The following HPSE2 variants were observed in gnomAD, a reference collection of about 807,000 sequenced individuals.
HPSE2 encodes the protein inactive heparanase-2.
Under a neutral mutation model 60.5 loss-of-function variants are expected in HPSE2, and 38 were observed. The ratio of observed to expected loss-of-function variants is 0.63; its 90% CI spans 0.48 to 0.82. HPSE2 has a LOEUF of 0.82. Ranked by LOEUF, HPSE2 falls within the 40% of genes least tolerant of loss-of-function variation. The probability of loss-of-function intolerance (pLI) is 0.00; values close to 1 mark genes in which losing one functional copy is unlikely to be tolerated. For synonymous variants in HPSE2, 295 were observed against 293.2 expected (o/e 1.01, Z -0.06); for missense variants, 713 against 740.4 (o/e 0.96, Z 0.43).
At chr10:99,033,558 A>T (rs1228997086) in intron 3 of HPSE2, among the ~76,000 whole-genome samples, 1 of 152,110 alleles carries the variant, frequency 6.6e-6, no homozygotes, top group South Asian at 2.1e-4. Context: ...TGAGGCGGGC[A>T]TATCACAAGG....
chr10:99,251,013 G>T, the HPSE2 span, among the ~76,000 whole-genome samples: 1 of 152,116 alleles, frequency 6.6e-6, no homozygotes, highest in African/African-American at 2.4e-5. Flanking sequence ...GAGCAGAATT[G>T]AGCTAAATTG....
In HPSE2 at chr10:99,144,224, T is replaced by A. The variant is rs200473954; in HGVS notation, c.610+14A>T. 4 of 1,613,098 alleles carry A rather than the reference T, an allele frequency of 2.5e-6. No individual in the cohort carries two copies. The highest frequency in any genetic ancestry group is 3.4e-6 in the Non-Finnish European group (4 of 1,179,858). On this transcript the variant is annotated intron_variant, in intron 3 of 11. Coordinates refer to ENST00000370552, the MANE Select transcript of HPSE2 (RefSeq NM_021828.5). ...TGAATGCTCTAAGATTTCAACCAAC[T>A]CCAATAGCCTTACCTGTTAATATGA...
intron 9 of HPSE2, among the ~76,000 whole-genome samples, chr10:98,547,453 C>T (rs1458672533): frequency 1.3e-5 from 2 of 150,488 alleles, no homozygotes; most frequent in African/African-American, 4.9e-5. Flanking sequence ...GGCACATATA[C>T]ACCATGGAAT....
intron 3 of HPSE2, among the ~76,000 whole-genome samples, chr10:98,951,550 C>A (rs1589418109): frequency 2.0e-5 from 3 of 152,188 alleles, no homozygotes; most frequent in East Asian, 3.9e-4. Flanking sequence ...TGCAAAAAAG[C>A]CTAGTGTAGT....
At chr10:98,533,659 T>TA (rs1470907169) in intron 9 of HPSE2, among the ~76,000 whole-genome samples, 1 of 152,294 alleles carries the variant, frequency 6.6e-6, no homozygotes, top group African/African-American at 2.4e-5. Context: ...GGAAGACTAT[T>TA]TCCTGAAACA....
chr10:98,886,296 A>T (rs903298856), intron 3 of HPSE2, among the ~76,000 whole-genome samples: 1 of 152,270 alleles, frequency 6.6e-6, no homozygotes, highest in South Asian at 2.1e-4. Context: ...TCCAAGACAC[A>T]TAAGGTAAAA....
intron 3 of HPSE2, among the ~76,000 whole-genome samples, chr10:98,805,106 A>C (rs1951011781): frequency 6.6e-6 from 1 of 152,256 alleles, no homozygotes; most frequent in African/African-American, 2.4e-5. Context: ...CATGGAGATA[A>C]GAGAGTAGAA....
At chr10:98,841,906 A>G (rs1013913295) in intron 3 of HPSE2, among the ~76,000 whole-genome samples, 10 of 151,700 alleles carry the variant, frequency 6.6e-5, no homozygotes, top group Non-Finnish European at 1.5e-5. Context: ...TCCCGGGTTC[A>G]AGCAATTCTC....
intron 2 of HPSE2, among the ~76,000 whole-genome samples, chr10:99,174,448 T>A (rs1847443912): frequency 6.6e-6 from 1 of 152,164 alleles, no homozygotes; most frequent in Non-Finnish European, 1.5e-5. Context: ...TCAACAATGA[T>A]CTTACTATGG....
chr10:99,005,331 C>T (rs1341843813), intron 3 of HPSE2, among the ~76,000 whole-genome samples: 1 of 151,984 alleles, frequency 6.6e-6, no homozygotes, highest in Non-Finnish European at 1.5e-5. Context: ...TGTAAGTTTT[C>T]TTCACTCCTT....
At chr10:98,692,933 C>A (rs1948117579) in intron 6 of HPSE2, among the ~76,000 whole-genome samples, 1 of 152,202 alleles carries the variant, frequency 6.6e-6, no homozygotes, top group East Asian at 1.9e-4. Context: ...GGGAACTTTT[C>A]TTCAGAGGGA....
intron 6 of HPSE2, among the ~76,000 whole-genome samples, chr10:98,673,763 A>C (rs1239707162): frequency 1.3e-5 from 2 of 152,160 alleles, no homozygotes; most frequent in Non-Finnish European, 2.9e-5. Context: ...TAGTGAGGGA[A>C]GGTGCAGGGG....
At chr10:98,733,148 T>C (rs981994861) in intron 4 of HPSE2, among the ~76,000 whole-genome samples, 1 of 152,086 alleles carries the variant, frequency 6.6e-6, no homozygotes, top group African/African-American at 2.4e-5. Context: ...TGACACAGGG[T>C]CTTGCTCTGT....
At chr10:99,215,989 G>A (rs1379678432) in intron 2 of HPSE2, among the ~76,000 whole-genome samples, 1 of 152,150 alleles carries the variant, frequency 6.6e-6, no homozygotes, top group Non-Finnish European at 1.5e-5. Context: ...CTAGCACCTT[G>A]GAACGGTTCA....
intron 3 of HPSE2, among the ~76,000 whole-genome samples, chr10:98,851,896 G>A (rs1952181519): frequency 6.6e-6 from 1 of 151,994 alleles, no homozygotes; most frequent in Admixed American, 6.6e-5. Flanking sequence ...TCCTTACTTT[G>A]TCTTCTAAGA....
chr10:99,221,215 T>C (rs1421960769), intron 2 of HPSE2, among the ~76,000 whole-genome samples: 1 of 152,126 alleles, frequency 6.6e-6, no homozygotes, highest in Non-Finnish European at 1.5e-5. Context: ...ACATTGATAA[T>C]AAAATGAATG....
chr10:98,965,036 T>G (rs926253633), intron 3 of HPSE2, among the ~76,000 whole-genome samples: 6 of 152,164 alleles, frequency 3.9e-5, no homozygotes. Context: ...TATTATCTCA[T>G]GCAGAGACTA....
intron 3 of HPSE2, among the ~76,000 whole-genome samples, chr10:98,940,129 A>G (rs1180684099): frequency 3.5e-5 from 5 of 143,852 alleles, no homozygotes; most frequent in South Asian, 2.1e-4. Context: ...AAGAGAAAGC[A>G]GGAAAGATCC....
the HPSE2 span, among the ~76,000 whole-genome samples, chr10:99,293,617 C>T: frequency 6.6e-6 from 1 of 152,136 alleles, no homozygotes; most frequent in African/African-American, 2.4e-5. Flanking sequence ...CTGATTTTTA[C>T]AGCTGCCAGT....
Sources: gnomAD v4.1 joint callset for allele counts (sites outside exome capture counted in the v4.1 genomes callset) on GRCh38, gnomAD v4.1.1 for gene constraint, MANE v1.5 for transcripts, NCBI Gene and HGNC (gene_info 2026-07-23, HGNC 2026-07-21) for gene names.